Variants in SLC9A9 observed in about 807,000 individuals in gnomAD.
The protein encoded by SLC9A9 is sodium/hydrogen exchanger 9.
In SLC9A9, 62 loss-of-function variants were observed where a neutral mutation model predicts 77.8. That is an observed-to-expected ratio of 0.80 (90% confidence interval 0.65 to 0.98). The LOEUF (loss-of-function observed/expected upper bound fraction) is 0.98. Among genes scored for constraint, SLC9A9 ranks in the 50% least tolerant of loss-of-function variants. SLC9A9 has a pLI of 0.00. For synonymous variants in SLC9A9, 320 were observed against 283.5 expected (o/e 1.13, Z -1.29); for missense variants, 775 against 774.9 (o/e 1.00, Z 0.00).
intron 8 of SLC9A9, among the ~76,000 whole-genome samples, chr3:143,567,556 G>A (rs1362418072): frequency 6.6e-6 from 1 of 152,126 alleles, no homozygotes; most frequent in Non-Finnish European, 1.5e-5. Flanking sequence ...AGAAACACCA[G>A]CCTTCATTTG....
intron 9 of SLC9A9, among the ~76,000 whole-genome samples, chr3:143,546,022 T>G (rs949507802): frequency 4.6e-5 from 7 of 152,212 alleles, no homozygotes; most frequent in African/African-American, 1.7e-4. Flanking sequence ...ATTTTACAGA[T>G]GGAAAAAGTA....
chr3:143,382,332 A>G (rs960043594), intron 12 of SLC9A9, among the ~76,000 whole-genome samples: 2 of 152,246 alleles, frequency 1.3e-5, no homozygotes, highest in Non-Finnish European at 2.9e-5. Context: ...AAGCATCAAC[A>G]GCAGCTCTTC....
intron 14 of SLC9A9, among the ~76,000 whole-genome samples, chr3:143,341,690 C>A (rs572136255): frequency 6.6e-6 from 1 of 152,060 alleles, no homozygotes; most frequent in Non-Finnish European, 1.5e-5. Flanking sequence ...AAAATGACTC[C>A]GATATGCAAA....
At chr3:143,606,436 C>CTCTCTCTCTCTCTCTA (rs1419410834) in intron 6 of SLC9A9, among the ~76,000 whole-genome samples, 34 of 54,206 alleles carry the variant, frequency 6.3e-4, no homozygotes, top group Admixed American at 1.0e-3. Context: ...CTCTCTCTCT[C>CTCTCTCTCTCTCTCTA]TATATATATA....
At chr3:143,745,161 TAACTC>T (rs778128153) in intron 4 of SLC9A9, among the ~76,000 whole-genome samples, 35 of 152,078 alleles carry the variant, frequency 2.3e-4, no homozygotes, top group Middle Eastern at 3.2e-3. Context: ...GTTCAGGCAA[TAACTC>T]AAAGAAGAGA....
chr3:143,740,447 TA>T (rs1301228253), intron 4 of SLC9A9, among the ~76,000 whole-genome samples: 1 of 152,186 alleles, frequency 6.6e-6, no homozygotes, highest in Non-Finnish European at 1.5e-5. Context: ...GGCTCAGTTT[TA>T]AAATTAAGCA....
chr3:143,809,374 A>G (rs2008805011), intron 2 of SLC9A9, among the ~76,000 whole-genome samples: 1 of 152,260 alleles, frequency 6.6e-6, no homozygotes, highest in Admixed American at 6.5e-5. Context: ...TGCAGCATGC[A>G]AGGATTTATT....
At chr3:143,743,246 GATAGATA>G (rs1560059091) in intron 4 of SLC9A9, among the ~76,000 whole-genome samples, 4,457 of 73,780 alleles carry the variant, frequency 0.06, 83 homozygotes, top group African/African-American at 0.1. Flanking sequence ...TGGATGGATA[GATAGATA>G]GATAGATAGA....
chr3:143,776,979 G>A (rs982917882), intron 4 of SLC9A9, among the ~76,000 whole-genome samples: 1 of 152,070 alleles, frequency 6.6e-6, no homozygotes, highest in Non-Finnish European at 1.5e-5. Context: ...TCTTTTGTGG[G>A]GGCAAATAAC....
chr3:143,684,155 A>C (rs1933189332), intron 5 of SLC9A9, among the ~76,000 whole-genome samples: 1 of 152,102 alleles, frequency 6.6e-6, no homozygotes. Flanking sequence ...CTTAATATTC[A>C]ATGACTGCTC....
chr3:143,532,482 T>C (rs2036525107), intron 9 of SLC9A9, among the ~76,000 whole-genome samples: 1 of 152,230 alleles, frequency 6.6e-6, no homozygotes, highest in South Asian at 2.1e-4. Context: ...AATGGATATA[T>C]ACTTCTAAAA....
rs148305181 is a variant in SLC9A9 at position 143,514,891 on chromosome 3, T to C, written c.1090-19443A>G. On this transcript the variant is annotated intron_variant, in intron 9 of 15. Coordinates refer to ENST00000316549, the MANE Select transcript of SLC9A9 (RefSeq NM_173653.4). ...ATTTGTGTGTTCACTGGAGTAGCAT[T>C]TTAAATTTATTTAGAAAACTTTTCC... Among the ~76,000 whole-genome samples, 873 of 152,314 alleles carry C rather than the reference T, an allele frequency of 5.7e-3. 8 individuals carry two copies. Among genetic ancestry groups the C allele is most frequent in the African/African-American group, 0.02 (839 of 41,570 alleles).
intron 5 of SLC9A9, among the ~76,000 whole-genome samples, chr3:143,660,507 T>C (rs999142317): frequency 3.3e-5 from 5 of 152,224 alleles, no homozygotes; most frequent in African/African-American, 1.2e-4. Flanking sequence ...TACCAGTCAG[T>C]AGGTTGATTT....
At chr3:143,314,623 T>C (rs921358343) in intron 14 of SLC9A9, among the ~76,000 whole-genome samples, 4 of 152,260 alleles carry the variant, frequency 2.6e-5, no homozygotes, top group Admixed American at 6.5e-5. Context: ...TTTCTCCAGC[T>C]GATGACTAAA....
At chr3:143,667,811 A>G (rs2039094189) in intron 5 of SLC9A9, among the ~76,000 whole-genome samples, 1 of 152,214 alleles carries the variant, frequency 6.6e-6, no homozygotes, top group Non-Finnish European at 1.5e-5. Flanking sequence ...TATTATGGCG[A>G]TCATTAAAAA....
chr3:143,646,603 C>T (rs781159999), intron 6 of SLC9A9, among the ~76,000 whole-genome samples: 5 of 152,034 alleles, frequency 3.3e-5, no homozygotes, highest in Non-Finnish European at 5.9e-5. Context: ...TTCACTCAAC[C>T]AACTAGTAAC....
chr3:143,667,469 A>G (rs2039087906), intron 5 of SLC9A9, among the ~76,000 whole-genome samples: 1 of 152,248 alleles, frequency 6.6e-6, no homozygotes, highest in South Asian at 2.1e-4. Context: ...ACAAAAGCCA[A>G]AATTGACAAA....
intron 4 of SLC9A9, among the ~76,000 whole-genome samples, chr3:143,694,190 T>G (rs186746196): frequency 2.8e-4 from 42 of 152,234 alleles, no homozygotes; most frequent in African/African-American, 9.9e-4. Flanking sequence ...TCTCAGGTTT[T>G]GGGCATAGCT....
chr3:143,652,214 TCA>T, intron 6 of SLC9A9, 39 bp downstream of exon 6: 6 of 1,471,690 alleles, frequency 4.1e-6, no homozygotes, highest in Non-Finnish European at 5.7e-6. Flanking sequence ...AAAGCATATT[TCA>T]CATGATTAAA....
Sources: allele counts gnomAD v4.1 joint callset (sites outside exome capture counted in the v4.1 genomes callset), GRCh38; gene constraint gnomAD v4.1.1; transcripts MANE v1.5; gene names NCBI Gene and HGNC (gene_info 2026-07-23, HGNC 2026-07-21).